Variants in C9orf43 observed in about 807,000 individuals in gnomAD.
The protein encoded by C9orf43 is chromosome 9 open reading frame 43.
C9orf43 carries 45 observed loss-of-function variants against 59.1 expected under a neutral mutation model. The observed-to-expected ratio is 0.76, with a 90% CI of 0.60 to 0.98. C9orf43 has a LOEUF of 0.98. Among genes scored for constraint, C9orf43 ranks in the 50% least tolerant of loss-of-function variants. The pLI is 0.00. For synonymous variants in C9orf43, 203 were observed against 196.8 expected (o/e 1.03, Z -0.26); for missense variants, 533 against 554.9 (o/e 0.96, Z 0.40).
intron 6 of C9orf43, 93 bp downstream of exon 6, chr9:113,422,678 C>A: frequency 7.0e-7 from 1 of 1,437,796 alleles, no homozygotes; most frequent in South Asian, 1.2e-5. Flanking sequence ...TACCCCCGTT[C>A]TTTCCTGAAA....
Position 113,420,959 on chromosome 9 carries a change from T to G in C9orf43, c.346-144T>G, listed in dbSNP as rs996828006. The G allele has an allele frequency of 2.0e-5, 17 of 835,578 alleles. No individual in the cohort carries two copies. In the Admixed American group the frequency reaches 2.8e-4, roughly 14 times the overall value. The allele number at this position is 835,578 out of a possible 1,614,324, so 51.8% of individuals were successfully genotyped here. On this transcript the variant is annotated intron_variant, in intron 4 of 13. Transcript: ENST00000374165. ...ATTTGATGGAGTAGTCTGTTTTTTTTGGGAGAATATTATGAAGATATCTTG... is the reference window on the plus strand; with the variant it reads ...ATTTGATGGAGTAGTCTGTTTTTTTGGGGAGAATATTATGAAGATATCTTG...
intron 3 of C9orf43, among the ~76,000 whole-genome samples, chr9:113,418,824 T>C (rs906381390): frequency 6.6e-6 from 1 of 152,216 alleles, no homozygotes; most frequent in Non-Finnish European, 1.5e-5. Context: ...TTAACTTTCA[T>C]TGATGGTGAT....
intron 1 of C9orf43, among the ~76,000 whole-genome samples, chr9:113,411,358 C>T (rs1424316085): frequency 2.7e-5 from 4 of 149,400 alleles, no homozygotes; most frequent in Non-Finnish European, 4.4e-5. Context: ...AGTGCAGTGG[C>T]GCCGATTTCG....
At chr9:113,420,472 G>A (rs985940125) in intron 4 of C9orf43, among the ~76,000 whole-genome samples, 7 of 152,166 alleles carry the variant, frequency 4.6e-5, no homozygotes, top group Non-Finnish European at 1.0e-4. Flanking sequence ...ATAATAAAAA[G>A]GAATCTCTCC....
At chr9:113,419,971 T>C (rs891076416) in intron 4 of C9orf43, among the ~76,000 whole-genome samples, 1 of 152,136 alleles carries the variant, frequency 6.6e-6, no homozygotes, top group African/African-American at 2.4e-5. Context: ...TTCAATATCA[T>C]GTGTAGTGGA....
chr9:113,418,865 G>T (rs1828471470), intron 3 of C9orf43, among the ~76,000 whole-genome samples: 1 of 152,206 alleles, frequency 6.6e-6, no homozygotes, highest in African/African-American at 2.4e-5. Context: ...AGAAGAGTAG[G>T]CTATGAATTC....
rs1828252241 is a variant in C9orf43, at chr9:113,413,605, A to G, written c.112A>G (p.Ile38Val). The G allele has an allele frequency of 6.2e-7, 1 of 1,614,076 alleles. No homozygotes were observed. The highest frequency in any genetic ancestry group is 8.5e-7 in the Non-Finnish European group (1 of 1,180,022). ...CCGCATTGAGAGGGGCCATCCTCGA[A>G]TCCTCGGCTCATCCTGCAAAACTCC... is the stretch of plus-strand genomic sequence containing the variant. ...IRRIERGHPRILGSSCKTPLD... is the reference protein window; with the variant it reads ...IRRIERGHPRVLGSSCKTPLD... The change falls in exon 2 of 14, where the codon ATC (isoleucine) becomes GTC (valine). Residue 38 changes from isoleucine to valine, a missense_variant. Coordinates refer to ENST00000374165, the MANE Select transcript of C9orf43 (RefSeq NM_001278629.2).
intron 3 of C9orf43, among the ~76,000 whole-genome samples, chr9:113,417,474 C>T (rs1260634870): frequency 6.6e-6 from 1 of 152,210 alleles, no homozygotes; most frequent in Non-Finnish European, 1.5e-5. Flanking sequence ...AAACAACATA[C>T]AGTCTTTATC....
intron 11 of C9orf43, 74 bp from the exon 12 acceptor site, chr9:113,428,073 G>T (rs774905384): frequency 1.4e-4 from 202 of 1,443,290 alleles, no homozygotes; most frequent in Non-Finnish European, 1.8e-4. Context: ...GTAGACTAGG[G>T]GTCACCTAGA....
rs117243015 is a variant in C9orf43, at chr9:113,429,205, A to G, written c.1205A>G (p.Lys402Arg). Residue 402 changes from lysine to arginine, a missense_variant, in exon 14 of 14, where the codon AAG becomes AGG. Transcript: ENST00000374165. ...TTGTATGAAACAGAACCCACTAACA[A>G]GGACATTAGTGCTCCAGTGGACGCT... is the stretch of plus-strand genomic sequence containing the variant. ...PELYETEPTN[K>R]DISAPVDAVP... The G allele has an allele frequency of 4.5e-4, 734 of 1,614,250 alleles. 5 individuals carry two copies. In the East Asian group the frequency reaches 0.015, roughly 34 times the overall value.
Position 113,413,533 on chromosome 9 carries a change from T to G in C9orf43, c.40T>G (p.Cys14Gly). The change falls in exon 2 of 14, where the codon TGT (cysteine) becomes GGT (glycine). Residue 14 changes from cysteine to glycine, a missense_variant. Transcript: ENST00000374165. ...PDESQWDETT[C>G]GLAVCQHPQC... is the part of the protein sequence containing the mutation. Reference sequence around the variant, plus strand: ...TGAGAGCCAGTGGGACGAAACCACCTGTGGCTTGGCTGTTTGTCAGCACCC... The same window carrying G: ...TGAGAGCCAGTGGGACGAAACCACCGGTGGCTTGGCTGTTTGTCAGCACCC... 5.6e-6 allele frequency: 9 copies of G among 1,614,104 alleles called. No homozygotes were observed. Among genetic ancestry groups the G allele is most frequent in the Non-Finnish European group, 7.6e-6 (9 of 1,179,932 alleles).
In C9orf43 at chr9:113,413,779, GTGGTA is replaced by G; in HGVS notation, c.173_177del (p.Val58GlyfsTer19). The G allele has an allele frequency of 3.1e-6, 5 of 1,614,114 alleles. No homozygotes were observed. The African/African-American group carries it at 6.7e-5, about 22-fold the overall frequency. ...CTTAGATAAACTCCCAGTGCTCACC[GTGGTA>G]GACATCTTAGATTCCGGCTTTGCAG... On this transcript the variant is annotated frameshift_variant, in exon 3 of 14. Coordinates refer to ENST00000374165, the MANE Select transcript of C9orf43 (RefSeq NM_001278629.2). LOFTEE classifies it high-confidence loss of function.
At chr9:113,414,271 T>G (rs1387585531) in intron 3 of C9orf43, among the ~76,000 whole-genome samples, 1 of 151,898 alleles carries the variant, frequency 6.6e-6, no homozygotes. Flanking sequence ...CCTGTGTCCT[T>G]TTTATTTATT....
intron 4 of C9orf43, 36 bp downstream of exon 4, chr9:113,419,201 T>G: frequency 6.6e-7 from 1 of 1,511,084 alleles, no homozygotes; most frequent in Non-Finnish European, 9.1e-7. Context: ...TCTTCAACAT[T>G]TTTTCTTTAC....
chr9:113,429,193 A>G lies in C9orf43; in HGVS notation c.1193A>G (p.Glu398Gly). The change falls in exon 14 of 14, where the codon GAA becomes GGA. Residue 398 changes from glutamate (E) to glycine (G), a missense_variant. By Grantham distance (98) the Glu-to-Gly change is moderately conservative. Transcript: ENST00000374165. The stretch of plus-strand genomic sequence containing the variant: ...TTAGGTCCTGAATTGTATGAAACAG[A>G]ACCCACTAACAAGGACATTAGTGCT... ...SVKSPELYET[E>G]PTNKDISAPV... is the part of the protein sequence containing the mutation. 6.2e-7 allele frequency: 1 copy of G among 1,614,154 alleles called. No homozygotes were observed. The highest frequency in any genetic ancestry group is 8.5e-7 in the Non-Finnish European group (1 of 1,180,024).
chr9:113,429,413 G>C lies in C9orf43; in HGVS notation c.*27G>C, dbSNP rs767284725. 17 of 1,600,524 alleles carry C rather than the reference G, an allele frequency of 1.1e-5. No homozygotes were observed. The Admixed American group carries it at 2.5e-4, about 24-fold the overall frequency. On this transcript the variant is annotated 3_prime_UTR_variant, in exon 14 of 14. Transcript: ENST00000374165. ...AAGCCTCTGGAGGAATAGACTGAAG[G>C]CATCCCCTGGGGCAGCCGTGTTCCA...
At position 113,413,697 on chromosome 9, in the gene C9orf43, G is replaced by A. The variant is rs995450793; in HGVS notation, c.151+53G>A. The A allele has an allele frequency of 3.7e-6, 6 of 1,611,650 alleles. No individual in the cohort carries two copies. The African/African-American group carries it at 8.0e-5, about 22-fold the overall frequency. On this transcript the variant is annotated intron_variant, in intron 2 of 13. Transcript: ENST00000374165. ...CTCACGAGGTCCTTAACGTATTTATGTATGTGGCTCCCTTTCTCCAGGCAG... is the reference window on the plus strand; with the variant it reads ...CTCACGAGGTCCTTAACGTATTTATATATGTGGCTCCCTTTCTCCAGGCAG...
Position 113,413,860 on chromosome 9 carries a change from C to T in C9orf43, c.253C>T (p.Gln85Ter), listed in dbSNP as rs1317188195. The change falls in exon 3 of 14, where the codon CAG (glutamine) becomes TAG (stop). Residue 85 changes from glutamine to a stop codon, truncating the protein, a stop_gained. Transcript: ENST00000374165. LOFTEE classifies it high-confidence loss of function. The part of the protein sequence containing the change: ...TFTKAHSLLS[Q>*]SSKFYSKFHG... The stretch of plus-strand genomic sequence containing the variant: ...TACTAAGGCCCATTCTTTATTGTCT[C>T]AGAGTTCAAAGTTTTACTCCAAATT... 2.5e-6 allele frequency: 4 copies of T among 1,612,634 alleles called. No homozygotes were observed. Among genetic ancestry groups the T allele is most frequent in the African/African-American group, 1.3e-5 (1 of 74,842 alleles).
In C9orf43 at chr9:113,421,110, T is replaced by C. The variant is rs912289731; in HGVS notation, c.353T>C (p.Val118Ala). 1.2e-6 allele frequency: 2 copies of C among 1,612,672 alleles called. No homozygotes were observed. The highest frequency in any genetic ancestry group is 2.7e-5 in the African/African-American group (2 of 74,852). ...TTTATATCTTTCTCTTAGTTTCCAG[T>C]GTTGAATTTGAATGAGACGCAACTT... ...NCTNRLPKFP[V>A]LNLNETQLPC... Residue 118 changes from valine (V) to alanine (A), a missense_variant, in exon 5 of 14, where the codon GTG (valine) becomes GCG (alanine). Val to Ala is a moderately conservative substitution (Grantham distance 64). Transcript: ENST00000374165.
Sources: allele counts gnomAD v4.1 joint callset (sites outside exome capture counted in the v4.1 genomes callset), GRCh38; gene constraint gnomAD v4.1.1; transcripts MANE v1.5; gene names NCBI Gene and HGNC (gene_info 2026-07-23, HGNC 2026-07-21).